Variants in FRMD8 observed in about 807,000 individuals in gnomAD.
FRMD8 encodes FERM domain-containing protein 8.
Under a neutral mutation model 54.2 loss-of-function variants are expected in FRMD8, and 37 were observed. That is an observed-to-expected ratio of 0.68 (90% CI 0.53 to 0.90). FRMD8 has a LOEUF of 0.90. Among genes scored for constraint, FRMD8 ranks in the 40% least tolerant of loss-of-function variants. The pLI is 0.00. For missense variants in FRMD8, 585 were observed against 653.7 expected, an observed-to-expected ratio of 0.89 and a Z score of 1.15; for synonymous variants, 246 against 286.9, an observed-to-expected ratio of 0.86 and a Z score of 1.44.
the FRMD8 span, chr11:65,379,933 C>T: frequency 1.2e-6 from 2 of 1,614,208 alleles, no homozygotes; most frequent in Non-Finnish European, 1.7e-6. Flanking sequence ...GGGTCTGCAG[C>T]CTCACCTGGG....
the FRMD8 span, chr11:65,376,675 C>G: frequency 5.0e-6 from 8 of 1,613,770 alleles, no homozygotes; most frequent in Non-Finnish European, 6.8e-6. Flanking sequence ...CGTGGCTGAG[C>G]CTGGGGCAGA....
upstream of FRMD8, chr11:65,381,966 G>A: frequency 6.2e-7 from 1 of 1,613,216 alleles, no homozygotes; most frequent in Non-Finnish European, 8.5e-7. Context: ...TGGGCTTGCG[G>A]GAACTGGTGG....
In FRMD8 at chr11:65,400,247, C is replaced by T. The variant is rs1276967475; in HGVS notation, c.927+388C>T. On this transcript the variant is annotated intron_variant, in intron 8 of 10. Transcript: ENST00000317568. The surrounding 1 kb of genome is among the most constrained non-coding windows in gnomAD (Gnocchi z 4.3). ...TGGTGGCCAGCCCTGGGTAGAGAGCCGCGTCAGCAGCCAGCCCTGTGGGGC... is the reference window on the plus strand; with the variant it reads ...TGGTGGCCAGCCCTGGGTAGAGAGCTGCGTCAGCAGCCAGCCCTGTGGGGC... 3.3e-5 allele frequency among the ~76,000 whole-genome samples: 5 copies of T among 152,180 alleles called. No homozygotes were observed. The highest frequency in any genetic ancestry group is 4.8e-5 in the African/African-American group (2 of 41,438).
At position 65,404,852 on chromosome 11, in the gene FRMD8, C is replaced by T. The variant is rs1856156143; in HGVS notation, c.1072-12C>T. 1 of 1,606,430 alleles carries T rather than the reference C, an allele frequency of 6.2e-7. No individual in the cohort carries two copies. Among genetic ancestry groups the T allele is most frequent in the East Asian group, 2.2e-5 (1 of 44,706 alleles). On this transcript the variant is annotated splice_polypyrimidine_tract_variant and intron_variant, in intron 9 of 10. Transcript: ENST00000317568. This position sits in a 1 kb window ranked among gnomAD's most constrained non-coding sequence, Gnocchi z 4.7. The stretch of plus-strand genomic sequence containing the variant: ...GCCCTGGCCAGGCCTCACACTGCCC[C>T]CTCCTCCCCAGGCCGAACTGATGAG...
In FRMD8 at chr11:65,394,507, C is replaced by A. The variant is rs1855908832; in HGVS notation, c.581+82C>A. ...ATGGAACTTACAAGCAGTCTTCAGT[C>A]TCGCAAGGTGGGGGCAGGGTCCTGG... On this transcript the variant is annotated intron_variant, in intron 6 of 10. Transcript: ENST00000317568. 26 of 1,476,712 alleles carry A rather than the reference C, an allele frequency of 1.8e-5. No individual in the cohort carries two copies. In the South Asian group the frequency reaches 3.3e-4, roughly 19 times the overall value. The allele number at this position is 1,476,712 out of a possible 1,614,324, so 91.5% of individuals were successfully genotyped here.
intron 7 of FRMD8, among the ~76,000 whole-genome samples, chr11:65,397,796 C>T (rs1008805835): frequency 4.0e-5 from 6 of 151,838 alleles, no homozygotes; most frequent in African/African-American, 1.2e-4. Flanking sequence ...ACTGCAGGCT[C>T]GACCTCCTGG....
chr11:65,401,423 C>T (rs954850686), intron 9 of FRMD8, among the ~76,000 whole-genome samples: 5 of 141,408 alleles, frequency 3.5e-5, no homozygotes, highest in Non-Finnish European at 7.7e-5. Flanking sequence ...ACTTGGGTCA[C>T]ATCAGACGCC....
At chr11:65,384,332 C>T (rs997244544), upstream of FRMD8, among the ~76,000 whole-genome samples, 1 of 152,086 alleles carries the variant, frequency 6.6e-6, no homozygotes, top group Non-Finnish European at 1.5e-5. Context: ...CATGCTCGTG[C>T]AGTTCCCACT....
intron 6 of FRMD8, among the ~76,000 whole-genome samples, chr11:65,394,973 G>T (rs1034013440): frequency 4.6e-5 from 7 of 152,362 alleles, no homozygotes; most frequent in African/African-American, 1.4e-4. Flanking sequence ...GGGGCCGGAC[G>T]CGGTGGCCCA....
At chr11:65,376,574 G>T in the FRMD8 span, 1 of 1,614,138 alleles carries the variant, frequency 6.2e-7, no homozygotes. Context: ...CTGCGTCTCA[G>T]TCCATCCATC....
intron 10 of FRMD8, among the ~76,000 whole-genome samples, chr11:65,406,856 C>T (rs945552091): frequency 1.3e-5 from 2 of 151,946 alleles, no homozygotes; most frequent in Admixed American, 6.6e-5. Flanking sequence ...AGGAGAATCG[C>T]TTGTACCCAG....
At chr11:65,403,156 G>A (rs1474895489) in intron 9 of FRMD8, among the ~76,000 whole-genome samples, 1 of 151,984 alleles carries the variant, frequency 6.6e-6, no homozygotes, top group East Asian at 1.9e-4. Context: ...GGGATTACAG[G>A]CATGAGCCCC....
chr11:65,403,245 C>T (rs572467668), intron 9 of FRMD8, among the ~76,000 whole-genome samples: 1 of 152,014 alleles, frequency 6.6e-6, no homozygotes, highest in Non-Finnish European at 1.5e-5. Context: ...TGCAATGGCG[C>T]GATTTCAGCT....
At chr11:65,386,417 C>G (rs530974235), upstream of FRMD8, among the ~76,000 whole-genome samples, 1 of 152,348 alleles carries the variant, frequency 6.6e-6, no homozygotes, top group African/African-American at 2.4e-5. Flanking sequence ...TCTTACAGGC[C>G]AACAGTCGGG....
At chr11:65,377,971 T>A in the FRMD8 span, 1 of 152,312 alleles carries the variant, frequency 6.6e-6, no homozygotes, top group Admixed American at 6.6e-5. Context: ...GGGCTGGCGG[T>A]CGCCTCTGGT....
chr11:65,370,243 G>A, the FRMD8 span, among the ~76,000 whole-genome samples: 1 of 150,506 alleles, frequency 6.6e-6, no homozygotes, highest in Non-Finnish European at 1.5e-5. Flanking sequence ...AAGGGCATGT[G>A]CAAACGTCTT....
At chr11:65,376,961 G>A in the FRMD8 span, 5 of 1,613,154 alleles carry the variant, frequency 3.1e-6, no homozygotes, top group Middle Eastern at 1.6e-4. Flanking sequence ...GAAGATGGAG[G>A]CTGCACAGTG....
intron 10 of FRMD8, among the ~76,000 whole-genome samples, chr11:65,408,366 G>A (rs561506977): frequency 6.6e-6 from 1 of 151,990 alleles, no homozygotes; most frequent in African/African-American, 2.4e-5. Context: ...GAGCCACCGC[G>A]CCCAGCCCTA....
chr11:65,390,238 T>G (rs1228107252), intron 3 of FRMD8, among the ~76,000 whole-genome samples: 1 of 152,074 alleles, frequency 6.6e-6, no homozygotes, highest in Non-Finnish European at 1.5e-5. Flanking sequence ...GGTGGCTCTC[T>G]AGACACTCAG....
Sources: gnomAD v4.1 joint callset for allele counts (sites outside exome capture counted in the v4.1 genomes callset) on GRCh38, gnomAD v4.1.1 for gene constraint, Gnocchi (gnomAD v3.1) non-coding constraint, MANE v1.5 for transcripts, NCBI Gene and HGNC (gene_info 2026-07-23, HGNC 2026-07-21) for gene names.